ABL1: variants seen among roughly 807,000 people sequenced by gnomAD.
The protein encoded by ABL1 is ABL proto-oncogene 1, non-receptor tyrosine kinase, also known as tyrosine-protein kinase ABL1.
In ABL1, 11 loss-of-function variants were observed where a neutral mutation model predicts 94.7. The observed-to-expected ratio is 0.12, with a 90% CI of 0.07 to 0.19. The LOEUF (loss-of-function observed/expected upper bound fraction) is 0.19, where lower values mean the gene tolerates loss of function less well. ABL1 is among the 10% of genes least tolerant of loss of function. ABL1 has a pLI of 1.00. For missense variants in ABL1, 1,082 were observed against 1,489.4 expected (o/e 0.73, Z 4.50); for synonymous variants, 656 against 622.4 (o/e 1.05, Z -0.80).
At position 130,878,542 on chromosome 9, in the gene ABL1, G is replaced by A; in HGVS notation, c.1398G>A (p.Glu466=). 1 of 1,614,222 alleles carries A rather than the reference G, an allele frequency of 6.2e-7. No homozygotes were observed. Among genetic ancestry groups the A allele is most frequent in the Non-Finnish European group, 8.5e-7 (1 of 1,180,038 alleles). The change falls in exon 8 of 11, where the codon GAG becomes GAA. Residue 466 remains glutamate (E), a synonymous_variant. Coordinates refer to ENST00000318560, the MANE Select transcript of ABL1 (RefSeq NM_005157.6). ...TGGAGCGCCCAGAAGGCTGCCCAGA[G>A]AAGGTCTATGAACTCATGCGAGCAT... is the stretch of plus-strand genomic sequence containing the variant. ...YRMERPEGCP[E]KVYELMRACW... is the part of the protein sequence containing the mutation.
At chr9:130,745,079 C>A (rs1429580289) in intron 1 of ABL1, among the ~76,000 whole-genome samples, 1 of 148,588 alleles carries the variant, frequency 6.7e-6, no homozygotes, top group African/African-American at 2.5e-5. Context: ...TTCCTGGGAA[C>A]CTTTTTTTTT....
At chr9:130,816,418 C>T (rs1016207183) in intron 1 of ABL1, among the ~76,000 whole-genome samples, 2 of 152,062 alleles carry the variant, frequency 1.3e-5, no homozygotes, top group African/African-American at 4.8e-5. Flanking sequence ...AAACGATCCT[C>T]CTGCCTCAGC....
intron 1 of ABL1, among the ~76,000 whole-genome samples, chr9:130,730,046 C>CTGTTTTTTTTTTTT (rs1831642309): frequency 9.3e-6 from 1 of 107,180 alleles, no homozygotes. Context: ...CCCAGCCAGA[C>CTGTTTTTTTTTTTT]TTTTTTTTTT....
At position 130,887,008 on chromosome 9, in the gene ABL1, C is replaced by T. The variant is rs1831596465; in HGVS notation, c.*1325C>T. ...GTATTTCACAGAGCACGCCTGCCAT[C>T]TTCTCCCCGAGGCTGCCCCAGGCCG... On this transcript the variant is annotated 3_prime_UTR_variant, in exon 11 of 11. Transcript: ENST00000318560. The T allele has an allele frequency of 4.3e-6, 1 of 232,960 alleles. No homozygotes were observed. The highest frequency in any genetic ancestry group is 2.2e-5 in the African/African-American group (1 of 45,316). 14.4% of individuals were successfully genotyped at this position (232,960 alleles called of 1,614,324 possible).
At position 130,884,519 on chromosome 9, in the gene ABL1, G is replaced by T; in HGVS notation, c.2229G>T (p.Thr743=). ...CGCTGCCTCGGGACTTGCAGTCCAC[G>T]GGAAGACAGTTTGACTCGTCCACAT... The part of the protein sequence containing the change: ...SVTLPRDLQS[T]GRQFDSSTFG... The change falls in exon 11 of 11, where the codon ACG becomes ACT. Residue 743 remains threonine (T), a synonymous_variant. Transcript: ENST00000318560. This position sits in a 1 kb window ranked among gnomAD's most constrained non-coding sequence, Gnocchi z 5.6. 6.2e-7 allele frequency: 1 copy of T among 1,613,222 alleles called. No individual in the cohort carries two copies. The highest frequency in any genetic ancestry group is 8.5e-7 in the Non-Finnish European group (1 of 1,180,032).
chr9:130,725,017 A>G, intron 1 of ABL1: 2 of 249,048 alleles, frequency 8.0e-6, no homozygotes, highest in Non-Finnish European at 1.7e-5. Flanking sequence ...ATCATATTGC[A>G]ACGCTTTTCA....
chr9:130,845,452 C>G (rs1205070748), intron 1 of ABL1, among the ~76,000 whole-genome samples: 17 of 152,070 alleles, frequency 1.1e-4, no homozygotes, highest in Non-Finnish European at 5.9e-5. Flanking sequence ...AGCGAAACCC[C>G]TGCCTCAGCC....
At chr9:130,870,901 A>G (rs1402979517) in intron 4 of ABL1, among the ~76,000 whole-genome samples, 1 of 152,194 alleles carries the variant, frequency 6.6e-6, no homozygotes, top group Non-Finnish European at 1.5e-5. Context: ...CTGTAAGTAA[A>G]GGTTGGCCCG....
At chr9:130,735,688 G>A (rs1218919917) in intron 1 of ABL1, among the ~76,000 whole-genome samples, 1 of 151,254 alleles carries the variant, frequency 6.6e-6, no homozygotes, top group African/African-American at 2.4e-5. Flanking sequence ...AGTATCATTG[G>A]TTTTCCAACC....
At chr9:130,733,090 G>T (rs749553667) in intron 1 of ABL1, among the ~76,000 whole-genome samples, 2 of 152,204 alleles carry the variant, frequency 1.3e-5, no homozygotes, top group African/African-American at 4.8e-5. Flanking sequence ...TGCCTGTCTT[G>T]TTTGCTCTTT....
intron 1 of ABL1, among the ~76,000 whole-genome samples, chr9:130,720,849 G>A (rs757119857): frequency 2.0e-5 from 3 of 151,992 alleles, no homozygotes; most frequent in Admixed American, 6.6e-5. Flanking sequence ...GGGATATGGG[G>A]GTGTGAGAGG....
rs547765087 is a variant in ABL1 at position 130,726,104 on chromosome 9, A to G, written c.136+11649A>G. The stretch of plus-strand genomic sequence containing the variant: ...GGGCTCAGGTGATACTCCTGCCTCA[A>G]CCTCCCAAAGTGTTAAGATTACAGG... On this transcript the variant is annotated intron_variant, in intron 1 of 10. Coordinates refer to the ABL1 transcript ENST00000372348. Among the ~76,000 whole-genome samples the G allele has an allele frequency of 2.6e-5, 4 of 151,416 alleles. No individual in the cohort carries two copies. In the East Asian group the frequency reaches 7.8e-4, roughly 29 times the overall value.
chr9:130,878,189 A>G (rs1831385209), intron 7 of ABL1, among the ~76,000 whole-genome samples: 1 of 151,112 alleles, frequency 6.6e-6, no homozygotes, highest in African/African-American at 2.4e-5. Flanking sequence ...GACCTCAAAT[A>G]ATCCTCCCAC....
chr9:130,728,283 G>C (rs1049553570), intron 1 of ABL1, among the ~76,000 whole-genome samples: 2 of 140,052 alleles, frequency 1.4e-5, no homozygotes, highest in African/African-American at 2.8e-5. Context: ...ACCCAGGCTG[G>C]TCTTGAACTC....
rs1199251979 is a variant in ABL1, at chr9:130,862,143, ATTCTTCGCTTT to A, written c.550-618_550-608del. ...CCCCTTTAAATTATAAATTAAATGA[ATTCTTCGCTTT>A]TCCTACCAGCAACTACCCACCAAGT... On this transcript the variant is annotated intron_variant, in intron 3 of 10. Transcript: ENST00000318560. The surrounding 1 kb of genome is among the most constrained non-coding windows in gnomAD (Gnocchi z 5.5). Among the ~76,000 whole-genome samples the A allele has an allele frequency of 6.6e-6, 1 of 152,222 alleles. No homozygotes were observed. The highest frequency in any genetic ancestry group is 1.5e-5 in the Non-Finnish European group (1 of 68,046).
intron 1 of ABL1, among the ~76,000 whole-genome samples, chr9:130,715,100 C>T (rs1831421245): frequency 6.6e-6 from 1 of 152,154 alleles, no homozygotes; most frequent in Admixed American, 6.6e-5. Context: ...ATCCTGTCTT[C>T]TCCCTGTTTA....
chr9:130,726,110 C>G (rs910306019), intron 1 of ABL1, among the ~76,000 whole-genome samples: 2 of 151,912 alleles, frequency 1.3e-5, no homozygotes, highest in Non-Finnish European at 2.9e-5. Flanking sequence ...CTCAACCTCC[C>G]AAAGTGTTAA....
chr9:130,756,005 TA>T (rs202093921), intron 1 of ABL1, among the ~76,000 whole-genome samples: 3 of 151,448 alleles, frequency 2.0e-5, no homozygotes, highest in African/African-American at 7.3e-5. Context: ...TCTCATTTAT[TA>T]AAAAAAAATG....
Position 130,713,763 on chromosome 9 carries a change from G to A in ABL1, c.-557G>A, listed in dbSNP as rs1041111476. ...TGCATTCCTTTTCGTCAGAGTCGAG[G>A]GCAAACTCGCTGAAATCTGGGTGAC... On this transcript the variant is annotated 5_prime_UTR_variant, in exon 1 of 11. Coordinates refer to the ABL1 transcript ENST00000372348. 2.6e-5 allele frequency among the ~76,000 whole-genome samples: 4 copies of A among 152,150 alleles called. No homozygotes were observed. The East Asian group carries it at 7.7e-4, about 29-fold the overall frequency.
Sources: gnomAD v4.1 joint callset for allele counts (sites outside exome capture counted in the v4.1 genomes callset) on GRCh38, gnomAD v4.1.1 for gene constraint, Gnocchi (gnomAD v3.1) non-coding constraint, MANE v1.5 for transcripts, NCBI Gene and HGNC (gene_info 2026-07-23, HGNC 2026-07-21) for gene names.